MCC: variants seen among roughly 807,000 people sequenced by gnomAD.
MCC encodes the protein colorectal mutant cancer protein.
Under a neutral mutation model 116.2 loss-of-function variants are expected in MCC, and 90 were observed. The observed-to-expected ratio is 0.77, with a 90% CI of 0.65 to 0.92. The LOEUF (loss-of-function observed/expected upper bound fraction) is 0.92. Ranked by LOEUF, MCC falls within the 40% of genes least tolerant of loss-of-function variation. The probability of loss-of-function intolerance (pLI) is 0.00; values close to 1 mark genes in which losing one functional copy is unlikely to be tolerated. For synonymous variants in MCC, 578 were observed against 510.5 expected, an observed-to-expected ratio of 1.13 and a Z score of -1.78; for missense variants, 1,516 against 1,312.2, an observed-to-expected ratio of 1.16 and a Z score of -2.40.
intron 1 of MCC, among the ~76,000 whole-genome samples, 185 bp from the exon 2 acceptor site, chr5:113,385,397 A>G (rs1048692780): frequency 2.0e-5 from 3 of 152,214 alleles, no homozygotes; most frequent in African/African-American, 7.2e-5. Flanking sequence ...GGGTTATTCT[A>G]AACAAAAACT....
intron 8 of MCC, among the ~76,000 whole-genome samples, chr5:113,087,716 T>C (rs1398726567): frequency 1.3e-5 from 2 of 151,826 alleles, no homozygotes; most frequent in Non-Finnish European, 2.9e-5. Flanking sequence ...GGTGTCTGAA[T>C]TGCACTCAAG....
intron 1 of MCC, among the ~76,000 whole-genome samples, chr5:113,421,257 C>A (rs1770326337): frequency 6.6e-6 from 1 of 152,018 alleles, no homozygotes; most frequent in African/African-American, 2.4e-5. Flanking sequence ...AACTCCTGAC[C>A]TCATGTGATC....
chr5:113,264,064 T>G (rs1466385297), intron 3 of MCC, among the ~76,000 whole-genome samples: 1 of 152,208 alleles, frequency 6.6e-6, no homozygotes, highest in Non-Finnish European at 1.5e-5. Context: ...GGCACTTTGC[T>G]CTTTAGAAAC....
chr5:113,299,249 C>T (rs543836221), intron 3 of MCC, among the ~76,000 whole-genome samples: 119 of 116,838 alleles, frequency 1.0e-3, no homozygotes, highest in African/African-American at 3.8e-3. Context: ...GCCGAGATCA[C>T]GCTACTGCAC....
intron 2 of MCC, among the ~76,000 whole-genome samples, chr5:113,344,401 G>T (rs888658805): frequency 1.3e-5 from 2 of 152,078 alleles, no homozygotes; most frequent in African/African-American, 4.8e-5. Flanking sequence ...CTAGTGCTGG[G>T]CTGGGCTTAG....
At chr5:113,287,633 G>A (rs1271533838) in intron 3 of MCC, among the ~76,000 whole-genome samples, 1 of 152,116 alleles carries the variant, frequency 6.6e-6, no homozygotes, top group Non-Finnish European at 1.5e-5. Flanking sequence ...CCCATCAACA[G>A]CTTCTTAATT....
intron 3 of MCC, among the ~76,000 whole-genome samples, chr5:113,206,810 T>C (rs185761407): frequency 3.0e-3 from 461 of 152,394 alleles, no homozygotes; most frequent in Non-Finnish European, 4.6e-3. Flanking sequence ...ATTTTGTGAA[T>C]CCTTCGTAAT....
intron 3 of MCC, among the ~76,000 whole-genome samples, chr5:113,249,235 G>A (rs898269085): frequency 6.6e-6 from 1 of 152,096 alleles, no homozygotes; most frequent in Non-Finnish European, 1.5e-5. Flanking sequence ...AGAAAACAGA[G>A]TCCCTGTTGT....
chr5:113,457,225 G>A (rs1296493921), intron 1 of MCC, among the ~76,000 whole-genome samples: 1 of 152,226 alleles, frequency 6.6e-6, no homozygotes, highest in Non-Finnish European at 1.5e-5. Flanking sequence ...GGCTTGGCGG[G>A]CCCCACACTC....
At chr5:113,459,127 A>T (rs999344288) in intron 1 of MCC, among the ~76,000 whole-genome samples, 3 of 95,346 alleles carry the variant, frequency 3.1e-5, no homozygotes, top group Admixed American at 2.0e-4. Context: ...GGGGAGGAGT[A>T]AGGATATGTG....
chr5:113,198,925 G>A (rs1762554538), intron 3 of MCC, among the ~76,000 whole-genome samples: 1 of 152,082 alleles, frequency 6.6e-6, no homozygotes, highest in African/African-American at 2.4e-5. Context: ...AATAGGCCAG[G>A]GGCAGTGGCT....
intron 3 of MCC, among the ~76,000 whole-genome samples, chr5:113,170,962 T>A (rs1406221143): frequency 6.6e-6 from 1 of 152,104 alleles, no homozygotes; most frequent in Non-Finnish European, 1.5e-5. Flanking sequence ...TGAGACTCTG[T>A]GGAAGCACCG....
At chr5:113,192,541 C>T (rs982223637) in intron 3 of MCC, among the ~76,000 whole-genome samples, 3 of 152,208 alleles carry the variant, frequency 2.0e-5, no homozygotes, top group Admixed American at 1.3e-4. Flanking sequence ...GACACACATG[C>T]ATGGGCTTTG....
intron 3 of MCC, among the ~76,000 whole-genome samples, chr5:113,337,299 T>C (rs1351096470): frequency 1.3e-5 from 2 of 152,136 alleles, no homozygotes; most frequent in Admixed American, 6.6e-5. Context: ...GACACCTCAG[T>C]GATACCTGAT....
intron 14 of MCC, among the ~76,000 whole-genome samples, chr5:113,057,002 G>A (rs997398111): frequency 6.6e-6 from 1 of 152,190 alleles, no homozygotes; most frequent in African/African-American, 2.4e-5. Context: ...TGCAGGGAAG[G>A]CCTGTGTGAT....
chr5:113,300,284 G>A (rs553473543), intron 3 of MCC, among the ~76,000 whole-genome samples: 4 of 152,242 alleles, frequency 2.6e-5, no homozygotes, highest in South Asian at 2.1e-4. Context: ...GTGCCCCAGC[G>A]ATCCTTGCCT....
chr5:113,052,629 C>G (rs945524492), intron 15 of MCC, among the ~76,000 whole-genome samples: 1 of 152,332 alleles, frequency 6.6e-6, no homozygotes, highest in African/African-American at 2.4e-5. Flanking sequence ...CCCCTCCACT[C>G]TCCAGAGATG....
chr5:113,411,989 T>C (rs926967116), intron 1 of MCC, among the ~76,000 whole-genome samples: 17 of 152,252 alleles, frequency 1.1e-4, no homozygotes, highest in Non-Finnish European at 2.4e-4. Context: ...TTTCTACATA[T>C]GGCTAGCCAG....
At chr5:113,038,097 T>C (rs992137718) in intron 17 of MCC, among the ~76,000 whole-genome samples, 2 of 152,158 alleles carry the variant, frequency 1.3e-5, no homozygotes, top group Non-Finnish European at 2.9e-5. Context: ...TAAGGAATTA[T>C]GACCTGCTGA....
Sources: allele counts gnomAD v4.1 joint callset (sites outside exome capture counted in the v4.1 genomes callset), GRCh38; gene constraint gnomAD v4.1.1; transcripts MANE v1.5; gene names NCBI Gene and HGNC (gene_info 2026-07-23, HGNC 2026-07-21).